The following TEAD1 variants were observed in gnomAD, a reference collection of about 807,000 sequenced individuals.
The protein encoded by TEAD1 is TEA domain transcription factor 1.
TEAD1 carries 9 observed loss-of-function variants against 54.9 expected under a neutral mutation model. The ratio of observed to expected loss-of-function variants is 0.16; its 90% CI spans 0.10 to 0.29. The LOEUF (loss-of-function observed/expected upper bound fraction) is 0.29. TEAD1 is among the 10% of genes least tolerant of loss of function. The probability of loss-of-function intolerance (pLI) is 1.00; values close to 1 mark genes in which losing one functional copy is unlikely to be tolerated. For missense variants in TEAD1, 387 were observed against 535.9 expected, an observed-to-expected ratio of 0.72 and a Z score of 2.74; for synonymous variants, 200 against 187.8, an observed-to-expected ratio of 1.07 and a Z score of -0.53.
intron 3 of TEAD1, among the ~76,000 whole-genome samples, chr11:12,792,714 T>C (rs942418647): frequency 1.3e-5 from 2 of 152,190 alleles, no homozygotes; most frequent in African/African-American, 4.8e-5. Context: ...ACATGAGATA[T>C]ATAGTAAAGC....
chr11:12,856,886 C>T (rs1442982045), intron 3 of TEAD1, among the ~76,000 whole-genome samples: 1 of 152,240 alleles, frequency 6.6e-6, no homozygotes, highest in Non-Finnish European at 1.5e-5. Flanking sequence ...TTCTTGGTGG[C>T]TCCCTGACTC....
intron 3 of TEAD1, among the ~76,000 whole-genome samples, chr11:12,836,453 G>A (rs1036775423): frequency 6.6e-6 from 1 of 151,464 alleles, no homozygotes; most frequent in African/African-American, 2.4e-5. Flanking sequence ...CTTTTCCCGC[G>A]ATGATGAATA....
intron 12 of TEAD1, among the ~76,000 whole-genome samples, chr11:12,934,822 T>A (rs1949071255): frequency 6.6e-6 from 1 of 152,118 alleles, no homozygotes; most frequent in Non-Finnish European, 1.5e-5. Context: ...AACCCAGCAC[T>A]TGTCACGTAG....
At chr11:12,682,757 ATCAGTAAAAC>A (rs917360863) in intron 2 of TEAD1, among the ~76,000 whole-genome samples, 6 of 152,188 alleles carry the variant, frequency 3.9e-5, no homozygotes, top group Admixed American at 1.3e-4. Context: ...ATGAACAGCG[ATCAGTAAAAC>A]TCCCCTGCCC....
At chr11:12,741,117 G>T (rs1944642024) in intron 2 of TEAD1, among the ~76,000 whole-genome samples, 1 of 151,674 alleles carries the variant, frequency 6.6e-6, no homozygotes, top group Non-Finnish European at 1.5e-5. Flanking sequence ...CATAAAACTG[G>T]TTATAATCAT....
intron 3 of TEAD1, among the ~76,000 whole-genome samples, chr11:12,816,157 G>C (rs1234729024): frequency 6.6e-6 from 1 of 152,200 alleles, no homozygotes; most frequent in Admixed American, 6.5e-5. Context: ...CACTGTGCCT[G>C]CACTCGGGTG....
chr11:12,812,147 C>T (rs983513417), intron 3 of TEAD1, among the ~76,000 whole-genome samples: 4 of 152,110 alleles, frequency 2.6e-5, no homozygotes, highest in Non-Finnish European at 5.9e-5. Flanking sequence ...TTATGATATA[C>T]ATGGGCTTTT....
intron 9 of TEAD1, among the ~76,000 whole-genome samples, chr11:12,884,447 A>G (rs895645538): frequency 1.3e-5 from 2 of 152,192 alleles, no homozygotes; most frequent in African/African-American, 4.8e-5. Context: ...AGACAGTGTC[A>G]AGAATGAGCT....
chr11:12,731,824 C>T lies in TEAD1; in HGVS notation c.-54-32355C>T, dbSNP rs529504960. ...TACTCATTCTCTAGCCTCACTGTCCCCATTTCTCTTAGGATATGGCTTTGT... is the reference window on the plus strand; with the variant it reads ...TACTCATTCTCTAGCCTCACTGTCCTCATTTCTCTTAGGATATGGCTTTGT... On this transcript the variant is annotated intron_variant, in intron 2 of 12. Coordinates refer to ENST00000527636, the MANE Select transcript of TEAD1 (RefSeq NM_021961.6). 7.2e-5 allele frequency among the ~76,000 whole-genome samples: 11 copies of T among 152,296 alleles called. No homozygotes were observed. In the South Asian group the frequency reaches 2.3e-3, roughly 32 times the overall value.
At chr11:12,694,143 C>T (rs2133828447) in intron 2 of TEAD1, among the ~76,000 whole-genome samples, 3 of 152,330 alleles carry the variant, frequency 2.0e-5, no homozygotes, top group Middle Eastern at 6.8e-3. Context: ...AAACACATGG[C>T]AAATGTTTCA....
At chr11:12,878,811 G>GTT in intron 5 of TEAD1, 7 of 767,252 alleles carry the variant, frequency 9.1e-6, no homozygotes, top group African/African-American at 3.7e-5. Context: ...ATATATATAT[G>GTT]TTTTTTTTTT....
intron 3 of TEAD1, among the ~76,000 whole-genome samples, chr11:12,817,860 T>G (rs78678643): frequency 2.0e-5 from 3 of 152,166 alleles, no homozygotes; most frequent in Non-Finnish European, 4.4e-5. Context: ...CATGTCAGAT[T>G]GTTATAATTA....
intron 3 of TEAD1, among the ~76,000 whole-genome samples, chr11:12,815,006 GCTGA>G (rs565147858): frequency 5.1e-4 from 77 of 152,276 alleles, no homozygotes; most frequent in Non-Finnish European, 7.3e-5. Flanking sequence ...TGTAATGGTT[GCTGA>G]CTAAGTGCTT....
chr11:12,757,504 T>A (rs1945007347), intron 2 of TEAD1, among the ~76,000 whole-genome samples: 1 of 152,232 alleles, frequency 6.6e-6, no homozygotes, highest in Non-Finnish European at 1.5e-5. Flanking sequence ...GAAGGACTAT[T>A]AGTTGCCAAT....
At chr11:12,863,786 C>G (rs541063828) in intron 4 of TEAD1, among the ~76,000 whole-genome samples, 1 of 152,200 alleles carries the variant, frequency 6.6e-6, no homozygotes, top group South Asian at 2.1e-4. Context: ...TTAACCAAGT[C>G]CCACTGAAAG....
chr11:12,717,284 G>A (rs1056927348), intron 2 of TEAD1, among the ~76,000 whole-genome samples: 1 of 152,208 alleles, frequency 6.6e-6, no homozygotes, highest in Non-Finnish European at 1.5e-5. Flanking sequence ...TTAAGTGAAA[G>A]GATCAATTGG....
intron 3 of TEAD1, among the ~76,000 whole-genome samples, chr11:12,850,080 A>T (rs1947240400): frequency 6.6e-6 from 1 of 152,146 alleles, no homozygotes; most frequent in African/African-American, 2.4e-5. Context: ...CCCTTTTAGG[A>T]CCCTATATAT....
intron 9 of TEAD1, among the ~76,000 whole-genome samples, chr11:12,894,404 T>A (rs180744938): frequency 6.6e-6 from 1 of 152,066 alleles, no homozygotes; most frequent in Admixed American, 6.5e-5. Flanking sequence ...ATTCAATACA[T>A]CTAGAATGTA....
intron 3 of TEAD1, among the ~76,000 whole-genome samples, chr11:12,793,506 G>A (rs369092229): frequency 1.3e-5 from 2 of 152,190 alleles, no homozygotes; most frequent in African/African-American, 4.8e-5. Context: ...ATTTTATTAT[G>A]TACTGTGTTT....
Sources: gnomAD v4.1 joint callset for allele counts (sites outside exome capture counted in the v4.1 genomes callset) on GRCh38, gnomAD v4.1.1 for gene constraint, MANE v1.5 for transcripts, NCBI Gene and HGNC (gene_info 2026-07-23, HGNC 2026-07-21) for gene names.